The following SPATA13 variants were observed in gnomAD, a reference collection of about 807,000 sequenced individuals.
SPATA13 encodes spermatogenesis-associated protein 13.
A neutral mutation model predicts 104.0 loss-of-function variants in SPATA13; 50 were observed. That is an observed-to-expected ratio of 0.48 (90% confidence interval 0.38 to 0.61). SPATA13 has a LOEUF of 0.61. SPATA13 is among the 20% of genes least tolerant of loss of function. The pLI, the probability that SPATA13 is intolerant of heterozygous loss-of-function variation, is 0.00. For synonymous variants in SPATA13, 606 were observed against 667.5 expected (o/e 0.91, Z 1.42); for missense variants, 1,524 against 1,690.6 (o/e 0.90, Z 1.73).
At chr13:24,160,176 C>T (rs1239253604), upstream of SPATA13, among the ~76,000 whole-genome samples, 1 of 152,242 alleles carries the variant, frequency 6.6e-6, no homozygotes, top group Admixed American at 6.5e-5. Context: ...GGCACGGTTG[C>T]CCCGGAGATG....
rs1204029198 is a variant in SPATA13 at position 24,223,585 on chromosome 13, A to G, written c.656A>G (p.Gln219Arg). 2 of 1,550,552 alleles carry G rather than the reference A, an allele frequency of 1.3e-6. No individual in the cohort carries two copies. The highest frequency in any genetic ancestry group is 1.7e-6 in the Non-Finnish European group (2 of 1,147,008). ...CGCATCTGCCTGCTGGATGCGCCCC[A>G]GAACCATGCGACACCCACGATAGCC... ...LGRICLLDAP[Q>R]NHATPTIATG... is the part of the protein sequence containing the mutation. Residue 219 changes from glutamine (Q) to arginine (R), a missense_variant, in exon 2 of 13, where the codon CAG becomes CGG. Gln to Arg is a conservative substitution (Grantham distance 43). Transcript: ENST00000382108.
At chr13:24,276,663 T>A (rs1875005769) in intron 4 of SPATA13, among the ~76,000 whole-genome samples, 2 of 133,418 alleles carry the variant, frequency 1.5e-5, no homozygotes, top group Admixed American at 1.5e-4. Flanking sequence ...ACAATAAAAT[T>A]TACTTTTTAA....
At chr13:24,023,694 A>C (rs907101378) in intron 3 of SPATA13, among the ~76,000 whole-genome samples, 12 of 152,200 alleles carry the variant, frequency 7.9e-5, no homozygotes, top group Admixed American at 1.3e-4. Context: ...ATGCAGTGTG[A>C]GAACCCGATC....
In SPATA13 at chr13:24,224,398, A is replaced by G. The variant is rs1190389052; in HGVS notation, c.1469A>G (p.Asn490Ser). 1.3e-6 allele frequency: 2 copies of G among 1,551,726 alleles called. No homozygotes were observed. Among genetic ancestry groups the G allele is most frequent in the Non-Finnish European group, 1.7e-6 (2 of 1,146,998 alleles). Residue 490 changes from asparagine (N) to serine (S), a missense_variant, in exon 2 of 13, where the codon AAT (asparagine) becomes AGT (serine). Physicochemically the swap from Asn to Ser is conservative, Grantham distance 46 (BLOSUM62 1). Around this residue, in one of 2 missense-constraint regions of SPATA13, gnomAD observed 1,089 missense variants for 1,135.9 expected, o/e 0.96. Coordinates refer to ENST00000382108, the MANE Select transcript of SPATA13 (RefSeq NM_001166271.3). ...GCAGGAAGTGCCAGCTGTCACAGCA[A>G]TCACAGTGCCCTGTCCGCGAATTCA... Reference protein sequence around the residue: ...PGAGSASCHSNHSALSANSEE... With the variant: ...PGAGSASCHSSHSALSANSEE...
chr13:24,166,942 A>G (rs1158352023), intron 1 of SPATA13, among the ~76,000 whole-genome samples: 1 of 152,218 alleles, frequency 6.6e-6, no homozygotes, highest in Non-Finnish European at 1.5e-5. Context: ...TTTTGGAGGG[A>G]CACATACATT....
At chr13:24,071,074 C>A (rs1179770300) in intron 3 of SPATA13, among the ~76,000 whole-genome samples, 1 of 152,176 alleles carries the variant, frequency 6.6e-6, no homozygotes, top group Non-Finnish European at 1.5e-5. Flanking sequence ...ATGATGAATG[C>A]ACTCATGGTT....
At chr13:24,157,991 T>C (rs766908627), upstream of SPATA13, among the ~76,000 whole-genome samples, 9 of 152,200 alleles carry the variant, frequency 5.9e-5, no homozygotes, top group Non-Finnish European at 1.0e-4. Flanking sequence ...GTAAACAACG[T>C]GGCATAAGTG....
intron 4 of SPATA13, among the ~76,000 whole-genome samples, chr13:24,260,786 T>C (rs1312399023): frequency 6.6e-6 from 1 of 152,228 alleles, no homozygotes; most frequent in East Asian, 1.9e-4. Context: ...CTGGAAATCA[T>C]AGCGGATGCA....
intron 2 of SPATA13, among the ~76,000 whole-genome samples, chr13:24,013,726 C>T (rs1876582999): frequency 1.3e-5 from 2 of 148,916 alleles, no homozygotes; most frequent in Non-Finnish European, 3.0e-5. Context: ...TTTTTTTGCC[C>T]CAGAAGACCA....
intron 12 of SPATA13, 127 bp from the exon 13 acceptor site, chr13:24,302,459 CAAAAAAAAAAAA>C (rs71070678): frequency 0.047 from 8,999 of 192,080 alleles, 5 homozygotes; most frequent in East Asian, 0.082. Flanking sequence ...GACCCTGTCT[CAAAAAAAAAAAA>C]AAAAAAAAAA....
chr13:24,119,362 G>A (rs1051923661), intron 3 of SPATA13, among the ~76,000 whole-genome samples: 3 of 152,106 alleles, frequency 2.0e-5, no homozygotes, highest in African/African-American at 7.2e-5. Context: ...GAAAAAAATT[G>A]TATACAAATT....
chr13:24,276,778 T>C lies in SPATA13; in HGVS notation c.2165-7357T>C, dbSNP rs559315286. ...CCCTTAGATAAGAAGTCATCATTATTAACTTTCATCTGTAGTTGAGGTTCA... is the reference window on the plus strand; with the variant it reads ...CCCTTAGATAAGAAGTCATCATTATCAACTTTCATCTGTAGTTGAGGTTCA... On this transcript the variant is annotated intron_variant, in intron 4 of 12. Coordinates refer to ENST00000382108, the MANE Select transcript of SPATA13 (RefSeq NM_001166271.3). Among the ~76,000 whole-genome samples the C allele has an allele frequency of 3.1e-4, 47 of 152,378 alleles. 1 individual carries two copies. In the South Asian group the frequency reaches 8.9e-3, roughly 29 times the overall value.
intron 3 of SPATA13, among the ~76,000 whole-genome samples, chr13:24,142,419 A>C (rs7994350): frequency 0.16 from 23,562 of 151,938 alleles, 2,965 homozygotes; most frequent in East Asian, 0.55. Flanking sequence ...TTTGTCTTTC[A>C]TGACCTTGAC....
intron 4 of SPATA13, chr13:24,278,764 A>G (rs1875206942): frequency 2.5e-6 from 4 of 1,598,470 alleles, no homozygotes; most frequent in Admixed American, 1.7e-5. Flanking sequence ...CCAAGGACTC[A>G]TACTCAAAAA....
intron 3 of SPATA13, among the ~76,000 whole-genome samples, chr13:24,132,966 ACT>A (rs10616938): frequency 0.54 from 82,628 of 151,770 alleles, 22,657 homozygotes; most frequent in South Asian, 0.6. Flanking sequence ...ACAGAGTGAG[ACT>A]CTGTCTCAAA....
At position 24,284,267 on chromosome 13, in the gene SPATA13, A is replaced by C; in HGVS notation, c.2297A>C (p.Asn766Thr). The C allele has an allele frequency of 6.2e-7, 1 of 1,613,356 alleles. No homozygotes were observed. Among genetic ancestry groups the C allele is most frequent in the Non-Finnish European group, 8.5e-7 (1 of 1,179,666 alleles). ...CCCGGCGGGGAGCAGCTGGCCATCA[A>C]TGAGGTACTGGAATTCCACACGACA... Reference protein sequence around the residue: ...LQPGGEQLAINELISDGNVVC... With the variant: ...LQPGGEQLAITELISDGNVVC... The change falls in exon 5 of 13, where the codon AAT becomes ACT. Residue 766 changes from asparagine to threonine, a missense_variant. Coordinates refer to ENST00000382108, the MANE Select transcript of SPATA13 (RefSeq NM_001166271.3).
chr13:24,144,948 C>G (rs74042711), intron 3 of SPATA13, among the ~76,000 whole-genome samples: 1,617 of 152,270 alleles, frequency 0.011, 27 homozygotes, highest in African/African-American at 0.036. Context: ...ATGAATATTT[C>G]ATTAGACCTA....
intron 3 of SPATA13, among the ~76,000 whole-genome samples, chr13:24,103,281 A>G (rs1241880211): frequency 6.6e-6 from 1 of 152,084 alleles, no homozygotes; most frequent in Non-Finnish European, 1.5e-5. Context: ...TAGTCTTTAC[A>G]CACTTATAAT....
chr13:24,086,370 C>T (rs1879718443), intron 3 of SPATA13, among the ~76,000 whole-genome samples: 2 of 152,074 alleles, frequency 1.3e-5, no homozygotes, highest in African/African-American at 2.4e-5. Flanking sequence ...GTTTTGTGAT[C>T]GCAGGGTCCT....
Sources: allele counts gnomAD v4.1 joint callset (sites outside exome capture counted in the v4.1 genomes callset), GRCh38; gene constraint gnomAD v4.1.1; regional missense constraint gnomAD v4.1.1; transcripts MANE v1.5; gene names NCBI Gene and HGNC (gene_info 2026-07-23, HGNC 2026-07-21).